STXBP5L: variants seen among roughly 807,000 people sequenced by gnomAD.
The protein encoded by STXBP5L is syntaxin-binding protein 5-like.
A neutral mutation model predicts 144.5 loss-of-function variants in STXBP5L; 65 were observed. The observed-to-expected ratio is 0.45, with a 90% confidence interval of 0.37 to 0.55. The LOEUF (loss-of-function observed/expected upper bound fraction) is 0.55. Among genes scored for constraint, STXBP5L ranks in the 20% least tolerant of loss-of-function variants. The probability of loss-of-function intolerance (pLI) is 0.00; values close to 1 mark genes in which losing one functional copy is unlikely to be tolerated. For synonymous variants in STXBP5L, 505 were observed against 469.6 expected (o/e 1.08, Z -0.97); for missense variants, 1,298 against 1,405.5 (o/e 0.92, Z 1.22).
chr3:121,253,295 A>G (rs890532960), intron 15 of STXBP5L, among the ~76,000 whole-genome samples: 4 of 151,600 alleles, frequency 2.6e-5, no homozygotes, highest in African/African-American at 9.7e-5. Context: ...ATACCTCTCA[A>G]CCAGATTCTC....
chr3:120,939,690 G>A lies in STXBP5L; in HGVS notation c.190-15250G>A, dbSNP rs553421221. The stretch of plus-strand genomic sequence containing the variant: ...GTTAGATAACTAATCTTTTTCAATC[G>A]TCGAACATAACGTTAAACATAACCC... On this transcript the variant is annotated intron_variant, in intron 2 of 26. Transcript: ENST00000471454. Among the ~76,000 whole-genome samples the A allele has an allele frequency of 5.9e-5, 9 of 152,106 alleles. No homozygotes were observed. The East Asian group carries it at 1.3e-3, about 23-fold the overall frequency.
chr3:120,923,187 A>G (rs1040609909), intron 2 of STXBP5L, among the ~76,000 whole-genome samples: 15 of 151,734 alleles, frequency 9.9e-5, no homozygotes, highest in Non-Finnish European at 2.2e-4. Context: ...GGTCTCAGTT[A>G]TTATGTCTCT....
intron 20 of STXBP5L, among the ~76,000 whole-genome samples, chr3:121,345,057 C>A (rs576847439): frequency 2.6e-5 from 4 of 151,760 alleles, no homozygotes; most frequent in Admixed American, 6.6e-5. Flanking sequence ...ATGTGCACAA[C>A]ATGCAGGTTT....
chr3:121,064,045 A>G (rs1475275836), intron 5 of STXBP5L, among the ~76,000 whole-genome samples: 1 of 151,774 alleles, frequency 6.6e-6, no homozygotes, highest in Non-Finnish European at 1.5e-5. Flanking sequence ...ATGAAAAGTA[A>G]CTCCTCCAGC....
chr3:121,383,775 T>C (rs1459738275), intron 22 of STXBP5L, among the ~76,000 whole-genome samples: 1 of 152,140 alleles, frequency 6.6e-6, no homozygotes, highest in Non-Finnish European at 1.5e-5. Flanking sequence ...TGACTAACTG[T>C]CCCGGTCTTC....
At chr3:121,240,393 A>G (rs767800572) in intron 13 of STXBP5L, 47 bp from the exon 14 acceptor site, 1 of 1,519,460 alleles carries the variant, frequency 6.6e-7, no homozygotes, top group Non-Finnish European at 9.0e-7. Context: ...TTAAATTTCT[A>G]AGCCATTTAA....
At chr3:121,385,548 T>C (rs1047396081) in intron 22 of STXBP5L, among the ~76,000 whole-genome samples, 2 of 152,106 alleles carry the variant, frequency 1.3e-5, no homozygotes, top group African/African-American at 4.8e-5. Flanking sequence ...CCAAACCATA[T>C]CAACTTCCAA....
intron 3 of STXBP5L, among the ~76,000 whole-genome samples, chr3:120,990,113 C>G (rs1021564257): frequency 6.6e-6 from 1 of 152,182 alleles, no homozygotes; most frequent in Non-Finnish European, 1.5e-5. Context: ...AGCAAAGTCT[C>G]AGGATACAAA....
chr3:120,999,814 A>T (rs530553217), intron 3 of STXBP5L, among the ~76,000 whole-genome samples: 4 of 151,640 alleles, frequency 2.6e-5, no homozygotes, highest in African/African-American at 9.7e-5. Context: ...AAAATATTGC[A>T]TTTCTCCTTT....
At chr3:121,289,748 CA>C (rs1577374686) in intron 19 of STXBP5L, among the ~76,000 whole-genome samples, 1 of 152,180 alleles carries the variant, frequency 6.6e-6, no homozygotes, top group East Asian at 1.9e-4. Context: ...GAATAAACTC[CA>C]AAAGGAACCC....
chr3:121,344,503 T>C (rs2044870466), intron 20 of STXBP5L, among the ~76,000 whole-genome samples: 1 of 152,022 alleles, frequency 6.6e-6, no homozygotes, highest in Non-Finnish European at 1.5e-5. Context: ...AAAAGATACA[T>C]GGAGAGGCCA....
intron 7 of STXBP5L, among the ~76,000 whole-genome samples, chr3:121,146,507 A>T (rs1236121529): frequency 6.6e-6 from 1 of 152,110 alleles, no homozygotes; most frequent in Non-Finnish European, 1.5e-5. Flanking sequence ...AAAATATGTC[A>T]GCAATTATAT....
Position 121,387,116 on chromosome 3 carries a change from A to G in STXBP5L, c.2587+5584A>G, listed in dbSNP as rs191429562. Among the ~76,000 whole-genome samples the G allele has an allele frequency of 3.6e-3, 552 of 152,322 alleles. 2 individuals carry two copies. The highest frequency in any genetic ancestry group is 0.013 in the African/African-American group (527 of 41,558). On this transcript the variant is annotated intron_variant, in intron 22 of 26. Transcript: ENST00000471454. ...GCCATTCTAACGGGTGTGAGATGGT[A>G]TCTCATTGTGGTTTTGATTTGAATT...
At chr3:121,113,885 G>C (rs898600783) in intron 5 of STXBP5L, among the ~76,000 whole-genome samples, 20 of 151,978 alleles carry the variant, frequency 1.3e-4, no homozygotes, top group Middle Eastern at 3.4e-3. Flanking sequence ...TGTTGGCCAG[G>C]ATGGTCTTGA....
At chr3:120,997,738 C>T (rs1222976290) in intron 3 of STXBP5L, among the ~76,000 whole-genome samples, 1 of 152,070 alleles carries the variant, frequency 6.6e-6, no homozygotes, top group Admixed American at 6.6e-5. Context: ...TCTGTTTACT[C>T]TGTTGATAGT....
At chr3:121,078,488 G>C (rs2042116654) in intron 5 of STXBP5L, among the ~76,000 whole-genome samples, 1 of 152,266 alleles carries the variant, frequency 6.6e-6, no homozygotes, top group Admixed American at 6.5e-5. Flanking sequence ...TCCTGCACCA[G>C]GGCCGCAGGT....
At chr3:120,926,761 A>G (rs1709653606) in intron 2 of STXBP5L, among the ~76,000 whole-genome samples, 1 of 152,058 alleles carries the variant, frequency 6.6e-6, no homozygotes, top group African/African-American at 2.4e-5. Context: ...GTATTTTCAA[A>G]TAGCCTGTCT....
chr3:121,124,659 G>A (rs548128742), intron 7 of STXBP5L, among the ~76,000 whole-genome samples: 1 of 151,816 alleles, frequency 6.6e-6, no homozygotes, highest in African/African-American at 2.4e-5. Context: ...TGAATGTTTT[G>A]TTTTTAATAG....
intron 5 of STXBP5L, among the ~76,000 whole-genome samples, chr3:121,072,576 C>G (rs934800456): frequency 6.6e-6 from 1 of 152,232 alleles, no homozygotes; most frequent in Non-Finnish European, 1.5e-5. Flanking sequence ...AACTTCCACT[C>G]TCCTGCTCAA....
Sources: gnomAD v4.1 joint callset for allele counts (sites outside exome capture counted in the v4.1 genomes callset) on GRCh38, gnomAD v4.1.1 for gene constraint, MANE v1.5 for transcripts, NCBI Gene and HGNC (gene_info 2026-07-23, HGNC 2026-07-21) for gene names.